HELZ: variants seen among roughly 807,000 people sequenced by gnomAD.
HELZ encodes the protein helicase with zinc finger.
A neutral mutation model predicts 218.2 loss-of-function variants in HELZ; 23 were observed. The observed-to-expected ratio is 0.11, with a 90% CI of 0.08 to 0.15. The LOEUF is 0.15. Ranked by LOEUF, HELZ falls within the 10% of genes least tolerant of loss-of-function variation. The probability of loss-of-function intolerance (pLI) is 1.00; values close to 1 mark genes in which losing one functional copy is unlikely to be tolerated. For missense variants in HELZ, 1,813 were observed against 2,353.7 expected, an observed-to-expected ratio of 0.77 and a Z score of 4.75; for synonymous variants, 814 against 829.4, an observed-to-expected ratio of 0.98 and a Z score of 0.32.
intron 32 of HELZ, among the ~76,000 whole-genome samples, chr17:67,079,751 A>G (rs4790988): frequency 0.36 from 55,048 of 152,106 alleles, 10,596 homozygotes; most frequent in East Asian, 0.69. Context: ...TATTAAGTAA[A>G]TAATTATCTT....
At chr17:67,143,659 T>C (rs539148618) in intron 21 of HELZ, among the ~76,000 whole-genome samples, 2 of 151,950 alleles carry the variant, frequency 1.3e-5, no homozygotes, top group Non-Finnish European at 2.9e-5. Context: ...AGTACTTAAA[T>C]TGTACTTTTT....
chr17:67,204,631 T>C (rs560457254), intron 5 of HELZ, among the ~76,000 whole-genome samples: 1 of 152,340 alleles, frequency 6.6e-6, no homozygotes, highest in South Asian at 2.1e-4. Flanking sequence ...ATAAAAATCT[T>C]TACATATACC....
At chr17:67,131,645 G>A (rs7225737) in intron 23 of HELZ, among the ~76,000 whole-genome samples, 1 of 151,744 alleles carries the variant, frequency 6.6e-6, no homozygotes, top group African/African-American at 2.4e-5. Flanking sequence ...CCATTCAGTA[G>A]CTGTGTGACT....
At chr17:67,126,317 T>G (rs1002093959) in intron 24 of HELZ, among the ~76,000 whole-genome samples, 3 of 152,138 alleles carry the variant, frequency 2.0e-5, no homozygotes, top group African/African-American at 7.2e-5. Flanking sequence ...CGCTAGACAA[T>G]ATATATCAGC....
In HELZ at chr17:67,079,847, T is replaced by C. The variant is rs563920843; in HGVS notation, c.5495-1261A>G. ...ATTACCTATTTGCAGACTACCTCTG[T>C]CCATTATTCTATTGGACATACTATT... On this transcript the variant is annotated intron_variant, in intron 32 of 32. Transcript: ENST00000358691. 1.1e-4 allele frequency among the ~76,000 whole-genome samples: 17 copies of C among 152,382 alleles called. No individual in the cohort carries two copies. In the South Asian group the frequency reaches 3.5e-3, roughly 32 times the overall value.
chr17:67,230,873 C>A (rs191255894), intron 3 of HELZ, among the ~76,000 whole-genome samples: 17 of 152,138 alleles, frequency 1.1e-4, no homozygotes, highest in African/African-American at 3.9e-4. Flanking sequence ...GTTTTCTATA[C>A]AGTGTTAACA....
intron 13 of HELZ, among the ~76,000 whole-genome samples, chr17:67,173,675 T>C (rs1313631695): frequency 1.3e-5 from 2 of 152,162 alleles, no homozygotes; most frequent in Admixed American, 6.5e-5. Context: ...AACTGAGGTG[T>C]CACCAATAGA....
chr17:67,150,768 T>C (rs932599163), intron 18 of HELZ, among the ~76,000 whole-genome samples: 3 of 152,200 alleles, frequency 2.0e-5, no homozygotes, highest in African/African-American at 7.2e-5. Context: ...ATGTCTGAAC[T>C]AGAGGCTGGC....
chr17:67,109,001 G>T (rs1183730582), intron 29 of HELZ, 115 bp downstream of exon 29: 2 of 877,744 alleles, frequency 2.3e-6, no homozygotes, highest in South Asian at 1.8e-5. Flanking sequence ...AAATGGGGGG[G>T]TTTTGCTAGC....
intron 20 of HELZ, among the ~76,000 whole-genome samples, chr17:67,146,415 G>C (rs1303347756): frequency 6.6e-6 from 1 of 152,094 alleles, no homozygotes; most frequent in Non-Finnish European, 1.5e-5. Context: ...TGTAACCTAG[G>C]AGCCAACAGG....
chr17:67,091,856 AC>A (rs1166980117), intron 31 of HELZ, among the ~76,000 whole-genome samples: 1 of 152,140 alleles, frequency 6.6e-6, no homozygotes, highest in Non-Finnish European at 1.5e-5. Flanking sequence ...ATTATAGAAC[AC>A]TTAGGGTCTA....
rs1346295088 is a variant in HELZ at position 67,071,670 on chromosome 17, T to C, written c.*6582A>G. 2 of 152,170 alleles carry C rather than the reference T, an allele frequency of 1.3e-5. No homozygotes were observed. Among genetic ancestry groups the C allele is most frequent in the Non-Finnish European group, 2.9e-5 (2 of 68,032 alleles). 9.4% of individuals were successfully genotyped at this position (152,170 alleles called of 1,614,324 possible). A position where few individuals can be genotyped will look rare whatever the true frequency, so the allele number is the denominator to read the frequency against. ...AGTACCCCCCAAGATGCAGTCCAGATAAAACAGCAACAACACACAAATTAA... is the reference window on the plus strand; with the variant it reads ...AGTACCCCCCAAGATGCAGTCCAGACAAAACAGCAACAACACACAAATTAA... On this transcript the variant is annotated 3_prime_UTR_variant, in exon 33 of 33. Coordinates refer to ENST00000358691, the MANE Select transcript of HELZ (RefSeq NM_014877.4).
chr17:67,152,962 G>A (rs1242917813), intron 17 of HELZ, among the ~76,000 whole-genome samples: 1 of 152,042 alleles, frequency 6.6e-6, no homozygotes, highest in Non-Finnish European at 1.5e-5. Context: ...GCTGCTAAGA[G>A]GCTACGTAAA....
chr17:67,077,197 G>A lies in HELZ; in HGVS notation c.*1055C>T, dbSNP rs1486754684. On this transcript the variant is annotated 3_prime_UTR_variant, in exon 33 of 33. Transcript: ENST00000358691. ...CAAACATTATATTTCTTCTTTAATGGTGTTCCTCAAACAAGACAGCTAGCA... is the reference window on the plus strand; with the variant it reads ...CAAACATTATATTTCTTCTTTAATGATGTTCCTCAAACAAGACAGCTAGCA... 1 of 152,428 alleles carries A rather than the reference G, an allele frequency of 6.6e-6. No homozygotes were observed. Among genetic ancestry groups the A allele is most frequent in the East Asian group, 1.9e-4 (1 of 5,188 alleles). The allele number at this position is 152,428 out of a possible 1,614,324, so 9.4% of individuals were successfully genotyped here. A position where few individuals can be genotyped will look rare whatever the true frequency, so the allele number is the denominator to read the frequency against.
intron 3 of HELZ, among the ~76,000 whole-genome samples, chr17:67,225,775 T>C (rs1043820793): frequency 6.6e-6 from 1 of 152,188 alleles, no homozygotes; most frequent in Admixed American, 6.5e-5. Flanking sequence ...GCCACTTTTA[T>C]AAAACAGAAA....
At chr17:67,144,585 C>T (rs897322873) in intron 21 of HELZ, among the ~76,000 whole-genome samples, 2 of 151,866 alleles carry the variant, frequency 1.3e-5, no homozygotes, top group Non-Finnish European at 2.9e-5. Flanking sequence ...ACCAGGTCAC[C>T]GTGAATGAAC....
At chr17:67,190,480 ATCGTACTG>A (rs1354484631) in intron 9 of HELZ, 125 bp from the exon 10 acceptor site, 1 of 694,722 alleles carries the variant, frequency 1.4e-6, no homozygotes, top group African/African-American at 1.8e-5. Context: ...GGCCATATTT[ATCGTACTG>A]TCTTGTACAA....
At chr17:67,124,193 G>A (rs970210095) in intron 24 of HELZ, among the ~76,000 whole-genome samples, 179 bp from the exon 25 acceptor site, 1 of 151,974 alleles carries the variant, frequency 6.6e-6, no homozygotes, top group African/African-American at 2.4e-5. Flanking sequence ...TAAACATTAT[G>A]TCACAGCCAT....
At chr17:67,153,146 G>A (rs189200114) in intron 17 of HELZ, among the ~76,000 whole-genome samples, 165 of 152,238 alleles carry the variant, frequency 1.1e-3, no homozygotes, top group African/African-American at 3.7e-3. Flanking sequence ...GATAAGTTTT[G>A]CTTAAAGGCT....
Sources: allele counts gnomAD v4.1 joint callset (sites outside exome capture counted in the v4.1 genomes callset), GRCh38; gene constraint gnomAD v4.1.1; transcripts MANE v1.5; gene names NCBI Gene and HGNC (gene_info 2026-07-23, HGNC 2026-07-21).